Variants in MFSD12 observed in about 807,000 individuals in gnomAD.
MFSD12 encodes the protein major facilitator superfamily domain containing 12.
A neutral mutation model predicts 51.2 loss-of-function variants in MFSD12; 67 were observed. The ratio of observed to expected loss-of-function variants is 1.31; its 90% CI spans 1.08 to 1.60. MFSD12 has a LOEUF of 1.60. Ranked by LOEUF, MFSD12 falls within the 40% of genes most tolerant of loss-of-function variation. The probability of loss-of-function intolerance (pLI) is 0.00; values close to 1 mark genes in which losing one functional copy is unlikely to be tolerated. For missense variants in MFSD12, 921 were observed against 673.0 expected (o/e 1.37, Z -4.08); for synonymous variants, 441 against 316.7 (o/e 1.39, Z -4.17).
Position 3,557,540 on chromosome 19 carries a change from C to CGCGCCCTCACCCACGTCCGCCGCGT in MFSD12, c.-162_-138dup. 2.4e-6 allele frequency: 1 copy of CGCGCCCTCACCCACGTCCGCCGCGT among 420,204 alleles called. No homozygotes were observed. The highest frequency in any genetic ancestry group is 5.4e-5 in the Admixed American group (1 of 18,510). The allele number at this position is 420,204 out of a possible 1,614,324, so 26.0% of individuals were successfully genotyped here. On this transcript the variant is annotated 5_prime_UTR_variant, in exon 1 of 10. Transcript: ENST00000355415. ...ACCCCGCGTCCCGCTCTCTTACGGC[C>CGCGCCCTCACCCACGTCCGCCGCGT]GCGCCCTCACCCACGTCCGCCGCGT...
chr19:3,544,728 G>T lies in MFSD12; in HGVS notation c.1425C>A (p.Asp475Glu). The T allele has an allele frequency of 6.2e-7, 1 of 1,603,510 alleles. No homozygotes were observed. The highest frequency in any genetic ancestry group is 8.5e-7 in the Non-Finnish European group (1 of 1,173,710). Residue 475 changes from aspartate to glutamate, a missense_variant, in exon 10 of 10, where the codon GAC (aspartate) becomes GAA (glutamate). By Grantham distance (45) the Asp-to-Glu change is conservative. Transcript: ENST00000355415. The part of the protein sequence containing the change: ...LLWPTRLRRW[D>E]RDARP ...TCAGGAGTCAGGGCCGGGCATCACG[G>T]TCCCCTGCAAGGGAGGGGTGGAAAT...
intron 2 of MFSD12, among the ~76,000 whole-genome samples, chr19:3,548,865 A>G (rs941175829): frequency 1.3e-5 from 2 of 152,226 alleles, no homozygotes; most frequent in Non-Finnish European, 2.9e-5. Context: ...GGCATTGGGC[A>G]ACCTGTGTCG....
chr19:3,546,500 A>G, intron 6 of MFSD12, 75 bp from the exon 7 acceptor site: 1 of 1,483,466 alleles, frequency 6.7e-7, no homozygotes, highest in Non-Finnish European at 9.1e-7. Context: ...CGCCACCCCT[A>G]CCCCCAACCC....
chr19:3,539,275 A>G (rs1312240277), downstream of MFSD12: 1 of 1,526,890 alleles, frequency 6.5e-7, no homozygotes, highest in South Asian at 1.2e-5. Flanking sequence ...GCCCCTCCCT[A>G]CAGGTGAGCC....
chr19:3,538,666 T>C, exon 5 of MFSD12: 1 of 384,734 alleles, frequency 2.6e-6, no homozygotes. Context: ...GGCGCCGTGC[T>C]GATCCCCTCA....
intron 6 of MFSD12, among the ~76,000 whole-genome samples, chr19:3,546,732 G>C (rs1435126647): frequency 1.3e-5 from 2 of 152,258 alleles, no homozygotes; most frequent in African/African-American, 4.8e-5. Context: ...GCCCTCAGTA[G>C]CTGCACAGGG....
chr19:3,555,121 GTTTT>G (rs889623463), intron 1 of MFSD12, among the ~76,000 whole-genome samples: 6 of 152,150 alleles, frequency 3.9e-5, no homozygotes, highest in African/African-American at 2.4e-5. Context: ...TGTTGTTGTT[GTTTT>G]TTGTTTTTTT....
chr19:3,557,119 G>C lies in MFSD12; in HGVS notation c.285C>G (p.Ala95=). The change falls in exon 1 of 10, where the codon GCC becomes GCG. Residue 95 remains alanine (A), a synonymous_variant. Transcript: ENST00000355415. The stretch of plus-strand genomic sequence containing the variant: ...CGGGACGCTTACCGACCAGGTGCCA[G>C]GCCTTGCGCGGGCCGTAGCGGGCGC... ...SCCARYGPRK[A]WHLVGTVCVL... 1.3e-6 allele frequency: 2 copies of C among 1,496,318 alleles called. No homozygotes were observed. Among genetic ancestry groups the C allele is most frequent in the Non-Finnish European group, 1.8e-6 (2 of 1,126,548 alleles). The allele number at this position is 1,496,318 out of a possible 1,614,324, so 92.7% of individuals were successfully genotyped here.
chr19:3,543,575 G>T (rs2030639919), downstream of MFSD12: 3 of 1,542,352 alleles, frequency 1.9e-6, no homozygotes, highest in Non-Finnish European at 2.6e-6. Context: ...GCACCTGCGG[G>T]AGACCGCCTG....
Position 3,557,132 on chromosome 19 carries a change from C to T in MFSD12, c.272G>A (p.Gly91Asp). The T allele has an allele frequency of 6.6e-7, 1 of 1,505,122 alleles. No homozygotes were observed. Among genetic ancestry groups the T allele is most frequent in the East Asian group, 2.8e-5 (1 of 36,218 alleles). 93.2% of individuals were successfully genotyped at this position (1,505,122 alleles called of 1,614,324 possible). A position where few individuals can be genotyped will look rare whatever the true frequency, so the allele number is the denominator to read the frequency against. Reference protein sequence around the residue: ...DRAASCCARYGPRKAWHLVGT... With the variant: ...DRAASCCARYDPRKAWHLVGT... ...GACCAGGTGCCAGGCCTTGCGCGGGCCGTAGCGGGCGCAGCAGCTGGCGGC... is the reference window on the plus strand; with the variant it reads ...GACCAGGTGCCAGGCCTTGCGCGGGTCGTAGCGGGCGCAGCAGCTGGCGGC... The change falls in exon 1 of 10, where the codon GGC becomes GAC. Residue 91 changes from glycine (G) to aspartate (D), a missense_variant. Transcript: ENST00000355415.
chr19:3,547,989 T>G lies in MFSD12; in HGVS notation c.696A>C (p.Ser232=). Residue 232 remains serine, a synonymous_variant, in exon 4 of 10, where the codon TCA becomes TCC. Transcript: ENST00000355415. The stretch of plus-strand genomic sequence containing the variant: ...CCCGGGTGCCCAGGTGGAATAGCAG[T>G]GAGAACACGGCGCCGACACCCACCA... ...LLVVGVGAVF[S]LLFHLGTRER... is the part of the protein sequence containing the mutation. 1.3e-6 allele frequency: 2 copies of G among 1,598,584 alleles called. No homozygotes were observed. The highest frequency in any genetic ancestry group is 2.2e-5 in the East Asian group (1 of 44,744).
In MFSD12 at chr19:3,544,604, G is replaced by T; in HGVS notation, c.*106C>A. The T allele has an allele frequency of 3.3e-6, 5 of 1,496,882 alleles. No individual in the cohort carries two copies. The highest frequency in any genetic ancestry group is 4.4e-6 in the Non-Finnish European group (5 of 1,124,968). The allele number at this position is 1,496,882 out of a possible 1,614,324, so 92.7% of individuals were successfully genotyped here. ...AGCTGGGTGAGGATGGAGGGTGGGGGTCCAGAGAAGAGTGAGGGGCAGTGG... is the reference window on the plus strand; with the variant it reads ...AGCTGGGTGAGGATGGAGGGTGGGGTTCCAGAGAAGAGTGAGGGGCAGTGG... On this transcript the variant is annotated 3_prime_UTR_variant, in exon 10 of 10. Transcript: ENST00000355415.
downstream of MFSD12, chr19:3,542,887 GT>G: frequency 1.4e-6 from 2 of 1,405,140 alleles, no homozygotes; most frequent in Non-Finnish European, 1.9e-6. Context: ...GAAGGGACTT[GT>G]GGGTCTTGGA....
downstream of MFSD12, chr19:3,542,886 T>G (rs1377437479): frequency 1.4e-6 from 2 of 1,401,926 alleles, no homozygotes; most frequent in Non-Finnish European, 1.9e-6. Context: ...GGAAGGGACT[T>G]GTGGGTCTTG....
chr19:3,541,680 G>A (rs1270348906), downstream of MFSD12: 2 of 985,270 alleles, frequency 2.0e-6, no homozygotes, highest in African/African-American at 1.7e-5. Context: ...TCCCGCAAGT[G>A]TGTAATAACG....
At position 3,557,503 on chromosome 19, in the gene MFSD12, CA is replaced by C. The variant is rs547509763; in HGVS notation, c.-101del. The C allele has an allele frequency of 5.0e-4, 361 of 726,590 alleles. 3 individuals are homozygous for C. In the South Asian group the frequency reaches 0.02, roughly 40 times the overall value. The allele number at this position is 726,590 out of a possible 1,614,324, so 45.0% of individuals were successfully genotyped here. ...GGGGGCAGGCGCCGGGGACCCCCAC[CA>C]CGCGCCGGGCACCCCGCGTCCCGCT... is the stretch of plus-strand genomic sequence containing the variant. On this transcript the variant is annotated 5_prime_UTR_variant, in exon 1 of 10. Transcript: ENST00000355415.
rs779789058 is a variant in MFSD12, at chr19:3,547,542, G to A, written c.843C>T (p.Gly281=). Residue 281 remains glycine, a synonymous_variant, in exon 5 of 10, where the codon GGC becomes GGT. Transcript: ENST00000355415. The part of the protein sequence containing the change: ...WLREPAFYQV[G]ILYMTTRLIV... ...TGAGCCTGGTGGTCATGTACAGTAT[G>A]CCCACCTGTGGGCAGACCGACAGAG... 6.2e-7 allele frequency: 1 copy of A among 1,609,916 alleles called. No homozygotes were observed. The highest frequency in any genetic ancestry group is 1.1e-5 in the South Asian group (1 of 90,548).
chr19:3,540,836 G>A (rs1008158504), downstream of MFSD12, among the ~76,000 whole-genome samples: 1 of 130,068 alleles, frequency 7.7e-6, no homozygotes, highest in Non-Finnish European at 1.6e-5. Context: ...CCGAGATCGT[G>A]CCACTGGACT....
downstream of MFSD12, chr19:3,543,758 C>T (rs368884352): frequency 5.7e-5 from 85 of 1,489,670 alleles, no homozygotes; most frequent in Middle Eastern, 2.2e-4. Context: ...CTGCCCGGGG[C>T]GATCCAGGAG....
Sources: allele counts gnomAD v4.1 joint callset (sites outside exome capture counted in the v4.1 genomes callset), GRCh38; gene constraint gnomAD v4.1.1; transcripts MANE v1.5; gene names NCBI Gene and HGNC (gene_info 2026-07-23, HGNC 2026-07-21).